Variants in RIC3 observed in about 807,000 individuals in gnomAD.
The protein encoded by RIC3 is protein RIC-3.
RIC3 carries 28 observed loss-of-function variants against 27.3 expected under a neutral mutation model. The ratio of observed to expected loss-of-function variants is 1.02; its 90% CI spans 0.76 to 1.41. The LOEUF (loss-of-function observed/expected upper bound fraction) is 1.41. Among genes scored for constraint, RIC3 ranks in the 40% most tolerant of loss-of-function variants. The probability of loss-of-function intolerance (pLI) is 0.00; values close to 1 mark genes in which losing one functional copy is unlikely to be tolerated. For synonymous variants in RIC3, 184 were observed against 160.4 expected (o/e 1.15, Z -1.11); for missense variants, 501 against 444.7 (o/e 1.13, Z -1.14).
chr11:8,138,156 T>C (rs1590223194), intron 3 of RIC3, 116 bp downstream of exon 3: 3 of 677,652 alleles, frequency 4.4e-6, no homozygotes, highest in East Asian at 5.6e-5. Flanking sequence ...TGGCATCAGA[T>C]TAATTTGGAG....
At chr11:8,141,514 C>G (rs1949069350) in intron 1 of RIC3, among the ~76,000 whole-genome samples, 1 of 151,628 alleles carries the variant, frequency 6.6e-6, no homozygotes, top group South Asian at 2.1e-4. Context: ...ACAGGAGCAC[C>G]CAGATTCATA....
intron 5 of RIC3, 43 bp from the exon 6 acceptor site, chr11:8,111,180 T>C: frequency 2.5e-6 from 3 of 1,180,990 alleles, no homozygotes; most frequent in Admixed American, 2.9e-5. Context: ...GAATGTCTCC[T>C]CAAAAAAAAA....
chr11:8,101,847 T>A, downstream of RIC3: 3 of 507,018 alleles, frequency 5.9e-6, no homozygotes, highest in South Asian at 3.3e-5. Flanking sequence ...TGAGAATAAT[T>A]CTTTCCATGC....
At chr11:8,100,714 G>A in the RIC3 span, 1 of 1,543,034 alleles carries the variant, frequency 6.5e-7, no homozygotes, top group East Asian at 2.3e-5. Flanking sequence ...ATGTGAGAAA[G>A]CCCTGGAGGT....
chr11:8,122,450 A>T lies in RIC3; in HGVS notation c.670+4209T>A, dbSNP rs568953129. ...CTTTTTATTGCTAAGTGTATACCAC[A>T]GTGTGTATATATATATGTACCACAG... On this transcript the variant is annotated intron_variant, in intron 5 of 5. Transcript: ENST00000309737. Among the ~76,000 whole-genome samples, 5 of 150,772 alleles carry T rather than the reference A, an allele frequency of 3.3e-5. 1 individual carries two copies. In the Admixed American group the frequency reaches 3.6e-4, roughly 11 times the overall value.
chr11:8,094,218 C>G, the RIC3 span: 1 of 1,583,248 alleles, frequency 6.3e-7, no homozygotes, highest in South Asian at 1.2e-5. Flanking sequence ...CAGCCCTCCC[C>G]AGCAGGCCTG....
chr11:8,101,196 A>G (rs1483681738), downstream of RIC3, among the ~76,000 whole-genome samples: 1 of 152,110 alleles, frequency 6.6e-6, no homozygotes, highest in Non-Finnish European at 1.5e-5. Context: ...CTGGTCCTAG[A>G]TTCTGTGTAT....
At position 8,124,324 on chromosome 11, in the gene RIC3, T is replaced by A. The variant is rs530247119; in HGVS notation, c.670+2335A>T. Among the ~76,000 whole-genome samples the A allele has an allele frequency of 3.3e-5, 5 of 152,208 alleles. No homozygotes were observed. In the South Asian group the frequency reaches 1.0e-3, roughly 32 times the overall value. ...ACAGGAAAAGAAAATCACAGACCAA[T>A]ATCCCTCACATATGCAAGACCTATA... On this transcript the variant is annotated intron_variant, in intron 5 of 5. Transcript: ENST00000309737.
At chr11:8,143,876 A>G (rs1422169868) in intron 1 of RIC3, among the ~76,000 whole-genome samples, 3 of 152,218 alleles carry the variant, frequency 2.0e-5, no homozygotes, top group Non-Finnish European at 4.4e-5. Context: ...ATAACGCCGC[A>G]TATCTACAAC....
rs144886809 is a variant in RIC3 at position 8,146,370 on chromosome 11, CAT to C, written c.125-6179_125-6178del. Among the ~76,000 whole-genome samples, 89 of 152,198 alleles carry C rather than the reference CAT, an allele frequency of 5.8e-4. 2 individuals are homozygous for C. In the South Asian group the frequency reaches 0.012, roughly 21 times the overall value. ...AAATATGTGGATATAAAGACATAAA[CAT>C]AAACACATCAGAGTAGGTGCATATG... is the stretch of plus-strand genomic sequence containing the variant. On this transcript the variant is annotated intron_variant, in intron 1 of 5. Transcript: ENST00000309737.
At chr11:8,114,606 C>CAA (rs58294024) in intron 5 of RIC3, among the ~76,000 whole-genome samples, 6,641 of 136,532 alleles carry the variant, frequency 0.049, 242 homozygotes, top group African/African-American at 0.1. Context: ...AACTCCATCT[C>CAA]AAAAAAAAAA....
chr11:8,168,510 C>A (rs7945726), intron 1 of RIC3, among the ~76,000 whole-genome samples: 6,331 of 152,208 alleles, frequency 0.042, 157 homozygotes, highest in South Asian at 0.083. Context: ...GGAAACCCAA[C>A]TGGGAACCCT....
rs936750147 is a variant in RIC3 at position 8,107,410 on chromosome 11, G to A, written c.*3288C>T. On this transcript the variant is annotated 3_prime_UTR_variant, in exon 6 of 6. Transcript: ENST00000309737. ...CATACAGGATATTCTAAAAAGGAAAGAGGGTTTTGTTTGTTTAGTCATCAG... is the reference window on the plus strand; with the variant it reads ...CATACAGGATATTCTAAAAAGGAAAAAGGGTTTTGTTTGTTTAGTCATCAG... 6.6e-6 allele frequency: 1 copy of A among 152,210 alleles called. No homozygotes were observed. The highest frequency in any genetic ancestry group is 1.5e-5 in the Non-Finnish European group (1 of 68,038). The allele number at this position is 152,210 out of a possible 1,614,324, so 9.4% of individuals were successfully genotyped here.
At chr11:8,152,434 G>A (rs920100527) in intron 1 of RIC3, among the ~76,000 whole-genome samples, 5 of 152,174 alleles carry the variant, frequency 3.3e-5, no homozygotes, top group African/African-American at 4.8e-5. Context: ...GATGAACTCC[G>A]AAAATATTAT....
At chr11:8,128,971 G>T (rs989149410) in intron 4 of RIC3, among the ~76,000 whole-genome samples, 2 of 151,712 alleles carry the variant, frequency 1.3e-5, no homozygotes, top group Non-Finnish European at 2.9e-5. Flanking sequence ...AGCCAGGATG[G>T]TCTCAATCTC....
chr11:8,124,392 T>A (rs1463626844), intron 5 of RIC3, among the ~76,000 whole-genome samples: 1 of 152,100 alleles, frequency 6.6e-6, no homozygotes, highest in African/African-American at 2.4e-5. Flanking sequence ...TTTTAAAAGA[T>A]CTAAATAAAT....
chr11:8,112,028 G>T (rs559901881), intron 5 of RIC3, among the ~76,000 whole-genome samples: 98 of 152,254 alleles, frequency 6.4e-4, no homozygotes, highest in African/African-American at 2.2e-3. Context: ...CAACCCTAAC[G>T]TAAACCATTT....
At chr11:8,130,590 T>G (rs534385678) in intron 4 of RIC3, among the ~76,000 whole-genome samples, 2 of 152,174 alleles carry the variant, frequency 1.3e-5, no homozygotes, top group African/African-American at 4.8e-5. Context: ...TTAGGTCCCC[T>G]TAACTTGCCC....
At chr11:8,094,985 A>T in the RIC3 span, among the ~76,000 whole-genome samples, 2 of 152,318 alleles carry the variant, frequency 1.3e-5, no homozygotes, top group Admixed American at 1.3e-4. Flanking sequence ...GTAGGATGGG[A>T]GATGCTCCAT....
Sources: gnomAD v4.1 joint callset for allele counts (sites outside exome capture counted in the v4.1 genomes callset) on GRCh38, gnomAD v4.1.1 for gene constraint, MANE v1.5 for transcripts, NCBI Gene and HGNC (gene_info 2026-07-23, HGNC 2026-07-21) for gene names.